KIAA2012: variants seen among roughly 807,000 people sequenced by gnomAD.
KIAA2012 encodes KIAA2012, also known as uncharacterized protein KIAA2012.
A neutral mutation model predicts 150.6 loss-of-function variants in KIAA2012; 125 were observed. The ratio of observed to expected loss-of-function variants is 0.83; its 90% confidence interval spans 0.72 to 0.96. KIAA2012 has a LOEUF of 0.96. Ranked by LOEUF, KIAA2012 falls within the 40% of genes least tolerant of loss-of-function variation. The pLI is 0.00. For missense variants in KIAA2012, 1,219 were observed against 1,354.9 expected, an observed-to-expected ratio of 0.90 and a Z score of 1.57; for synonymous variants, 462 against 504.7, an observed-to-expected ratio of 0.92 and a Z score of 1.13.
At position 202,097,532 on chromosome 2, in the gene KIAA2012, A is replaced by G; in HGVS notation, c.783A>G (p.Pro261=). Reference sequence around the variant, plus strand: ...ATGGCAGTCAGGGGACTCGCTTGCCACCACGCAGGAAGCAGCCCTGGCAGG... The same window carrying G: ...ATGGCAGTCAGGGGACTCGCTTGCCGCCACGCAGGAAGCAGCCCTGGCAGG... ...KNHGSQGTRL[P]PRRKQPWQED... The change falls in exon 5 of 24, where the codon CCA becomes CCG. Residue 261 remains proline (P), a synonymous_variant. Transcript: ENST00000498697. 1 of 1,549,964 alleles carries G rather than the reference A, an allele frequency of 6.5e-7. No homozygotes were observed. The highest frequency in any genetic ancestry group is 8.7e-7 in the Non-Finnish European group (1 of 1,146,932).
rs1690437289 is a variant in KIAA2012, at chr2:202,113,501, G to A, written c.1762+55G>A. On this transcript the variant is annotated intron_variant, in intron 11 of 23. Coordinates refer to ENST00000498697, the MANE Select transcript of KIAA2012 (RefSeq NM_001277372.4). ...TTTTTTTTTTTTCAAAGGGGAAGATGTTACCTGCAGCTTCCAAATTTTCCC... is the reference window on the plus strand; with the variant it reads ...TTTTTTTTTTTTCAAAGGGGAAGATATTACCTGCAGCTTCCAAATTTTCCC... 17 of 1,263,732 alleles carry A rather than the reference G, an allele frequency of 1.3e-5. No individual in the cohort carries two copies. The East Asian group carries it at 4.3e-4, about 32-fold the overall frequency. 78.3% of individuals were successfully genotyped at this position (1,263,732 alleles called of 1,614,324 possible).
chr2:202,084,564 G>A (rs1399282983), intron 2 of KIAA2012, among the ~76,000 whole-genome samples: 6 of 152,308 alleles, frequency 3.9e-5, no homozygotes, highest in South Asian at 2.1e-4. Flanking sequence ...TGGCAAAGCC[G>A]AGGCAGGCCT....
intron 13 of KIAA2012, among the ~76,000 whole-genome samples, chr2:202,153,784 C>T (rs1405843952): frequency 2.0e-5 from 3 of 152,184 alleles, no homozygotes; most frequent in African/African-American, 7.2e-5. Context: ...ATCTGCTCTG[C>T]CTGGCATAGA....
intron 11 of KIAA2012, among the ~76,000 whole-genome samples, chr2:202,121,880 A>C (rs1242338084): frequency 6.6e-6 from 1 of 152,252 alleles, no homozygotes; most frequent in African/African-American, 2.4e-5. Flanking sequence ...TATTCCAGGA[A>C]GGAGCCATTA....
chr2:202,094,786 T>C (rs1233494235), intron 4 of KIAA2012, among the ~76,000 whole-genome samples: 1 of 152,232 alleles, frequency 6.6e-6, no homozygotes, highest in Admixed American at 6.5e-5. Flanking sequence ...CCCAAAGTGC[T>C]GTGATTACAG....
chr2:202,123,468 G>A (rs976841763), intron 11 of KIAA2012, among the ~76,000 whole-genome samples: 2 of 151,886 alleles, frequency 1.3e-5, no homozygotes, highest in Admixed American at 1.3e-4. Context: ...CACTAATTAC[G>A]GCTTTTCCTC....
chr2:202,131,191 G>A (rs1575027922), intron 12 of KIAA2012, among the ~76,000 whole-genome samples: 1 of 152,140 alleles, frequency 6.6e-6, no homozygotes, highest in Non-Finnish European at 1.5e-5. Flanking sequence ...CCAGGCTGAA[G>A]TGCAATGGCA....
chr2:202,161,334 A>T (rs1027218164), intron 14 of KIAA2012, among the ~76,000 whole-genome samples: 3 of 152,148 alleles, frequency 2.0e-5, no homozygotes, highest in Non-Finnish European at 4.4e-5. Flanking sequence ...CAGTGCTCTA[A>T]ATACAGCTCA....
Position 202,202,569 on chromosome 2 carries a change from G to A in KIAA2012, c.*2G>A. The A allele has an allele frequency of 2.5e-6, 1 of 398,890 alleles. No homozygotes were observed. The highest frequency in any genetic ancestry group is 4.4e-6 in the Non-Finnish European group (1 of 226,046). The allele number at this position is 398,890 out of a possible 1,614,324, so 24.7% of individuals were successfully genotyped here. ...TTCCTACAAATACCCAGGCCTTAAGGCTAGAAGAAAACTAAAAAGTAAGTT... is the reference window on the plus strand; with the variant it reads ...TTCCTACAAATACCCAGGCCTTAAGACTAGAAGAAAACTAAAAAGTAAGTT... On this transcript the variant is annotated 3_prime_UTR_variant, in exon 23 of 24. Coordinates refer to ENST00000498697, the MANE Select transcript of KIAA2012 (RefSeq NM_001277372.4).
At chr2:202,109,533 C>A (rs1322295641) in intron 9 of KIAA2012, 80 bp from the exon 10 acceptor site, 1 of 1,306,930 alleles carries the variant, frequency 7.7e-7, no homozygotes, top group African/African-American at 1.5e-5. Context: ...GGTCCTTCAA[C>A]CAAGTTAGAA....
intron 15 of KIAA2012, among the ~76,000 whole-genome samples, chr2:202,172,730 A>G (rs1691919682): frequency 6.6e-6 from 1 of 152,236 alleles, no homozygotes; most frequent in Non-Finnish European, 1.5e-5. Context: ...CCAGTGCTGG[A>G]AAAGTTCCTC....
At chr2:202,108,736 A>G (rs890923914) in intron 9 of KIAA2012, among the ~76,000 whole-genome samples, 5 of 152,214 alleles carry the variant, frequency 3.3e-5, no homozygotes, top group African/African-American at 1.2e-4. Flanking sequence ...AGTGATGTTA[A>G]ATTTTATTAT....
chr2:202,079,399 G>A (rs946050678), intron 2 of KIAA2012, among the ~76,000 whole-genome samples: 3 of 152,186 alleles, frequency 2.0e-5, no homozygotes, highest in Admixed American at 6.5e-5. Context: ...TGCTGCTCAC[G>A]GAAGGATCTG....
At chr2:202,095,713 G>A (rs938308945) in intron 4 of KIAA2012, among the ~76,000 whole-genome samples, 2 of 152,094 alleles carry the variant, frequency 1.3e-5, no homozygotes, top group African/African-American at 4.8e-5. Context: ...ACTCACCTGG[G>A]ATATTACCAA....
rs1262112279 is a variant in KIAA2012, at chr2:202,187,058, C to T, written c.2336C>T (p.Pro779Leu). The T allele has an allele frequency of 2.6e-6, 4 of 1,550,428 alleles. No homozygotes were observed. The highest frequency in any genetic ancestry group is 2.7e-5 in the African/African-American group (2 of 73,014). Residue 779 changes from proline to leucine, a missense_variant, in exon 17 of 24, where the codon CCA becomes CTA. By Grantham distance (98) the Pro-to-Leu change is moderately conservative (BLOSUM62 -3). Coordinates refer to ENST00000498697, the MANE Select transcript of KIAA2012 (RefSeq NM_001277372.4). Reference sequence around the variant, plus strand: ...AGAGAAAGAGAAGGGAAGGCTGAACCAAGACTGTTTAGCCAGGAGACATCA... The same window carrying T: ...AGAGAAAGAGAAGGGAAGGCTGAACTAAGACTGTTTAGCCAGGAGACATCA... Reference protein sequence around the residue: ...LPREREGKAEPRLFSQETSAN... With the variant: ...LPREREGKAELRLFSQETSAN...
intron 18 of KIAA2012, among the ~76,000 whole-genome samples, chr2:202,189,029 AT>A (rs1692280036): frequency 1.3e-5 from 2 of 152,150 alleles, no homozygotes. Context: ...TATTTTTGAC[AT>A]TTGCTTGTTC....
intron 8 of KIAA2012, among the ~76,000 whole-genome samples, chr2:202,105,305 T>A (rs2105924480): frequency 6.8e-6 from 1 of 146,316 alleles, no homozygotes; most frequent in East Asian, 2.0e-4. Flanking sequence ...AAGGAATTTG[T>A]TCATGCAAGA....
chr2:202,181,870 A>C (rs1692127048), intron 15 of KIAA2012, among the ~76,000 whole-genome samples: 1 of 152,070 alleles, frequency 6.6e-6, no homozygotes, highest in African/African-American at 2.4e-5. Flanking sequence ...AGCTTTATCA[A>C]GGGATAATTG....
chr2:202,201,761 G>A, intron 22 of KIAA2012: 1 of 1,341,064 alleles, frequency 7.5e-7, no homozygotes, highest in Non-Finnish European at 1.1e-6. Context: ...AGAGCTCTGA[G>A]TAGGCAGTCG....
Sources: gnomAD v4.1 joint callset for allele counts (sites outside exome capture counted in the v4.1 genomes callset) on GRCh38, gnomAD v4.1.1 for gene constraint, MANE v1.5 for transcripts, NCBI Gene and HGNC (gene_info 2026-07-23, HGNC 2026-07-21) for gene names.